The following COMMD1 variants were observed in gnomAD, a reference collection of about 807,000 sequenced individuals.
COMMD1 encodes COMM domain-containing protein 1.
COMMD1 carries 10 observed loss-of-function variants against 17.2 expected under a neutral mutation model. The observed-to-expected ratio is 0.58, with a 90% CI of 0.36 to 0.99. COMMD1 has a LOEUF of 0.99. COMMD1 is among the 50% of genes least tolerant of loss of function. COMMD1 has a pLI of 0.01. For missense variants in COMMD1, 270 were observed against 231.8 expected, an observed-to-expected ratio of 1.17 and a Z score of -1.07; for synonymous variants, 97 against 91.6, an observed-to-expected ratio of 1.06 and a Z score of -0.34.
At chr2:62,087,114 C>T (rs1165898482) in intron 2 of COMMD1, among the ~76,000 whole-genome samples, 2 of 152,104 alleles carry the variant, frequency 1.3e-5, no homozygotes, top group Admixed American at 1.3e-4. Context: ...TGAGTCACTG[C>T]ACCTGGCTGA....
At chr2:62,091,440 T>C (rs1671826233) in intron 2 of COMMD1, among the ~76,000 whole-genome samples, 1 of 152,386 alleles carries the variant, frequency 6.6e-6, no homozygotes, top group East Asian at 1.9e-4. Flanking sequence ...CCAGGAATGC[T>C]GTTGCCATTG....
chr2:61,963,287 A>G (rs185461843), intron 1 of COMMD1, among the ~76,000 whole-genome samples: 234 of 151,828 alleles, frequency 1.5e-3, no homozygotes, highest in African/African-American at 4.6e-3. Context: ...CCTGAGTTCT[A>G]TGTGTTGTTC....
intron 1 of COMMD1, among the ~76,000 whole-genome samples, chr2:61,952,612 CT>C (rs1436387755): frequency 6.6e-6 from 1 of 152,174 alleles, no homozygotes; most frequent in African/African-American, 2.4e-5. Context: ...CTCCAGCCCC[CT>C]GCCCATCAAA....
intron 1 of COMMD1, among the ~76,000 whole-genome samples, chr2:61,893,488 G>T (rs964882435): frequency 2.0e-5 from 3 of 152,136 alleles, no homozygotes; most frequent in Non-Finnish European, 2.9e-5. Flanking sequence ...CGAAAAACAG[G>T]AATGAACTAA....
At chr2:62,028,479 CTG>C (rs1669828158) in intron 2 of COMMD1, among the ~76,000 whole-genome samples, 1 of 152,106 alleles carries the variant, frequency 6.6e-6, no homozygotes, top group Non-Finnish European at 1.5e-5. Context: ...TTCCTTCTAA[CTG>C]AAGATTTTGA....
intron 2 of COMMD1, among the ~76,000 whole-genome samples, chr2:62,024,678 G>A (rs1005394685): frequency 6.6e-6 from 1 of 152,088 alleles, no homozygotes; most frequent in Non-Finnish European, 1.5e-5. Context: ...GTAATGTAAT[G>A]TTACCTTATG....
intron 1 of COMMD1, among the ~76,000 whole-genome samples, chr2:61,997,782 A>G (rs1259477683): frequency 6.6e-6 from 1 of 152,220 alleles, no homozygotes; most frequent in Non-Finnish European, 1.5e-5. Flanking sequence ...AGCCCCTAAC[A>G]AGAGAGTCAG....
intron 2 of COMMD1, among the ~76,000 whole-genome samples, chr2:62,085,293 C>G (rs1211906891): frequency 6.6e-6 from 1 of 151,416 alleles, no homozygotes; most frequent in Non-Finnish European, 1.5e-5. Context: ...TCTCTGCTCA[C>G]TGTAAGCTCC....
At chr2:61,986,467 T>C (rs1005106211) in intron 1 of COMMD1, among the ~76,000 whole-genome samples, 5 of 151,868 alleles carry the variant, frequency 3.3e-5, no homozygotes, top group Admixed American at 1.3e-4. Flanking sequence ...GAATAAACTT[T>C]CTACACCTGT....
intron 2 of COMMD1, among the ~76,000 whole-genome samples, chr2:62,009,221 GT>G (rs1669211237): frequency 6.6e-6 from 1 of 152,092 alleles, no homozygotes; most frequent in South Asian, 2.1e-4. Context: ...TTCCATAATA[GT>G]TTGTGTTCTA....
At chr2:61,908,423 C>T (rs1395301923) in intron 1 of COMMD1, among the ~76,000 whole-genome samples, 2 of 151,984 alleles carry the variant, frequency 1.3e-5, no homozygotes, top group South Asian at 2.1e-4. Flanking sequence ...GATGGGGTTT[C>T]ACCATGTTGG....
chr2:62,110,070 A>G (rs1672416514), intron 2 of COMMD1, among the ~76,000 whole-genome samples: 2 of 150,970 alleles, frequency 1.3e-5, no homozygotes, highest in Admixed American at 6.6e-5. Flanking sequence ...TACATAATCT[A>G]CTGAAATTGC....
At chr2:61,922,563 G>C (rs868211395) in intron 1 of COMMD1, among the ~76,000 whole-genome samples, 1 of 152,190 alleles carries the variant, frequency 6.6e-6, no homozygotes, top group Admixed American at 6.5e-5. Flanking sequence ...TGATCCACCC[G>C]CCTCGGCCTC....
At chr2:62,134,216 C>A (rs1310000199) in intron 2 of COMMD1, among the ~76,000 whole-genome samples, 1 of 152,060 alleles carries the variant, frequency 6.6e-6, no homozygotes, top group African/African-American at 2.4e-5. Context: ...ACCTATAGGC[C>A]AAAGTGGCAA....
chr2:62,117,706 A>G (rs1672643809), intron 2 of COMMD1, among the ~76,000 whole-genome samples: 1 of 152,104 alleles, frequency 6.6e-6, no homozygotes, highest in South Asian at 2.1e-4. Context: ...TATCATTATC[A>G]TTATTTTTTG....
chr2:62,125,576 T>C (rs1014846967), intron 2 of COMMD1, among the ~76,000 whole-genome samples: 13 of 152,196 alleles, frequency 8.5e-5, no homozygotes, highest in Non-Finnish European at 2.9e-5. Flanking sequence ...ATAAGGACCA[T>C]TGGTAGTAAT....
intron 2 of COMMD1, among the ~76,000 whole-genome samples, chr2:62,079,431 G>A (rs1671455672): frequency 6.6e-6 from 1 of 152,122 alleles, no homozygotes; most frequent in African/African-American, 2.4e-5. Context: ...TCCATATATT[G>A]GGATATTAGG....
chr2:61,945,001 A>G (rs1198579366), intron 1 of COMMD1, among the ~76,000 whole-genome samples: 3 of 152,188 alleles, frequency 2.0e-5, no homozygotes, highest in Non-Finnish European at 4.4e-5. Flanking sequence ...GTTCCCCATA[A>G]TTGGAATTCT....
At chr2:61,897,214 T>C (rs1234507896) in intron 1 of COMMD1, among the ~76,000 whole-genome samples, 2 of 152,182 alleles carry the variant, frequency 1.3e-5, no homozygotes, top group Non-Finnish European at 2.9e-5. Context: ...ATTCTTATCT[T>C]CCTGGTCACT....
Sources: allele counts gnomAD v4.1 joint callset (sites outside exome capture counted in the v4.1 genomes callset), GRCh38; gene constraint gnomAD v4.1.1; transcripts MANE v1.5; gene names NCBI Gene and HGNC (gene_info 2026-07-23, HGNC 2026-07-21).